Variants in RGS3 observed in about 807,000 individuals in gnomAD.
RGS3 encodes regulator of G-protein signalling 3.
RGS3 carries 80 observed loss-of-function variants against 132.6 expected under a neutral mutation model. That is an observed-to-expected ratio of 0.60 (90% CI 0.50 to 0.73). The LOEUF (loss-of-function observed/expected upper bound fraction) is 0.73. RGS3 is among the 30% of genes least tolerant of loss of function. The probability of loss-of-function intolerance (pLI) is 0.00; values close to 1 mark genes in which losing one functional copy is unlikely to be tolerated. For missense variants in RGS3, 1,382 were observed against 1,530.8 expected, an observed-to-expected ratio of 0.90 and a Z score of 1.62; for synonymous variants, 598 against 620.6, an observed-to-expected ratio of 0.96 and a Z score of 0.54.
intron 14 of RGS3, among the ~76,000 whole-genome samples, chr9:113,509,344 G>C (rs1170847089): frequency 6.6e-6 from 1 of 152,004 alleles, no homozygotes; most frequent in East Asian, 1.9e-4. Flanking sequence ...ATAAAATGGG[G>C]TCAATAATTC....
chr9:113,574,060 A>G (rs1834403675), intron 19 of RGS3, among the ~76,000 whole-genome samples: 1 of 152,194 alleles, frequency 6.6e-6, no homozygotes, highest in African/African-American at 2.4e-5. Context: ...GATTGTTGGA[A>G]GTAGAGCCTA....
intron 19 of RGS3, among the ~76,000 whole-genome samples, chr9:113,557,711 A>G (rs750785086): frequency 5.3e-5 from 8 of 152,194 alleles, no homozygotes; most frequent in Non-Finnish European, 1.0e-4. Flanking sequence ...CAGCATATGA[A>G]AAATCGATGA....
chr9:113,521,906 G>A (rs568935439), intron 16 of RGS3, among the ~76,000 whole-genome samples: 3 of 152,354 alleles, frequency 2.0e-5, no homozygotes, highest in East Asian at 3.9e-4. Context: ...CTTCAGAAGA[G>A]ACAAGGTGTC....
intron 19 of RGS3, chr9:113,582,048 A>G: frequency 5.1e-6 from 5 of 985,340 alleles, no homozygotes; most frequent in Non-Finnish European, 6.0e-6. Flanking sequence ...GAGCTTTCAC[A>G]TCCGCTCACA....
chr9:113,497,934 C>T (rs1366946845), intron 9 of RGS3, 91 bp from the exon 8 acceptor site: 1 of 1,342,584 alleles, frequency 7.4e-7, no homozygotes, highest in African/African-American at 1.5e-5. Context: ...GCCCCATGGG[C>T]CTGTTTCCCA....
At position 113,463,072 on chromosome 9, in the gene RGS3, G is replaced by T. The variant is rs1326878127; in HGVS notation, c.415+871G>T. On this transcript the variant is annotated intron_variant, in intron 3 of 24. Coordinates refer to ENST00000350696, the Ensembl canonical transcript of RGS3. This position sits in a 1 kb window ranked among gnomAD's most constrained non-coding sequence, Gnocchi z 4.6. ...ACCCACCCCACTCCGTTTCCTGTGC[G>T]TTCCTCTTTCTCAGAGGCTGTGGGC... 6.6e-6 allele frequency among the ~76,000 whole-genome samples: 1 copy of T among 152,176 alleles called. No individual in the cohort carries two copies. Among genetic ancestry groups the T allele is most frequent in the Non-Finnish European group, 1.5e-5 (1 of 68,026 alleles).
chr9:113,593,744 A>G, intron 21 of RGS3: 1 of 634,602 alleles, frequency 1.6e-6, no homozygotes, highest in South Asian at 1.9e-5. Flanking sequence ...CAGCAGTTTC[A>G]CCCAGTGCTG....
intron 19 of RGS3, among the ~76,000 whole-genome samples, chr9:113,546,418 A>G (rs1327752382): frequency 6.6e-6 from 1 of 152,126 alleles, no homozygotes; most frequent in Non-Finnish European, 1.5e-5. Flanking sequence ...AGTAGATGTT[A>G]TATTTTATTT....
At chr9:113,563,220 G>T (rs1024616485) in intron 19 of RGS3, among the ~76,000 whole-genome samples, 7 of 152,204 alleles carry the variant, frequency 4.6e-5, no homozygotes, top group African/African-American at 1.7e-4. Flanking sequence ...AGCATAGGGC[G>T]TAATTTTGGA....
At chr9:113,475,584 A>T (rs1240527300) in intron 3 of RGS3, among the ~76,000 whole-genome samples, 6 of 151,882 alleles carry the variant, frequency 4.0e-5, no homozygotes, top group Admixed American at 2.6e-4. Flanking sequence ...TTTTTAATTA[A>T]TTTTTTGTAG....
chr9:113,499,011 G>C (rs1272294350), intron 10 of RGS3, among the ~76,000 whole-genome samples: 4 of 151,098 alleles, frequency 2.6e-5, no homozygotes, highest in African/African-American at 9.7e-5. Context: ...CAGATCACTT[G>C]AGGTCAAGAG....
chr9:113,506,788 G>C lies in RGS3; in HGVS notation c.1085+295G>C, dbSNP rs1460853640. Among the ~76,000 whole-genome samples, 1 of 152,156 alleles carries C rather than the reference G, an allele frequency of 6.6e-6. No homozygotes were observed. The highest frequency in any genetic ancestry group is 1.9e-4 in the East Asian group (1 of 5,192). The stretch of plus-strand genomic sequence containing the variant: ...GCTTTAGCTAATTTTTGTTACCTAA[G>C]AGCTAAGCCCATTTGTTATTTAAGG... On this transcript the variant is annotated intron_variant, in intron 12 of 24. Coordinates refer to ENST00000350696, the Ensembl canonical transcript of RGS3. This position sits in a 1 kb window ranked among gnomAD's most constrained non-coding sequence, Gnocchi z 4.7.
At chr9:113,484,225 T>G (rs559478157) in exon 6 of RGS3, 3 of 1,604,658 alleles carry the variant, frequency 1.9e-6, no homozygotes, top group African/African-American at 2.7e-5. Context: ...CCACGAGCAC[T>G]TCTTCTTGTA....
chr9:113,551,801 C>T (rs912329357), intron 19 of RGS3, among the ~76,000 whole-genome samples: 5 of 152,002 alleles, frequency 3.3e-5, no homozygotes, highest in Non-Finnish European at 5.9e-5. Context: ...GGAGGTTGCA[C>T]GGAGCTAAGA....
chr9:113,582,671 A>G (rs557533792), intron 19 of RGS3: 1 of 152,278 alleles, frequency 6.6e-6, no homozygotes, highest in South Asian at 2.1e-4. Flanking sequence ...CTCTTTGCAC[A>G]TGAAATCTAC....
chr9:113,586,798 C>G (rs1383667821), intron 20 of RGS3, among the ~76,000 whole-genome samples: 1 of 152,236 alleles, frequency 6.6e-6, no homozygotes, highest in Non-Finnish European at 1.5e-5. Context: ...GTCCCTGCCC[C>G]TCTGTGAGCC....
intron 19 of RGS3, among the ~76,000 whole-genome samples, chr9:113,553,441 T>TAAAAAAA (rs66536651): frequency 0.025 from 512 of 20,300 alleles, 23 homozygotes; most frequent in Middle Eastern, 0.071. Context: ...AAACTCTGTT[T>TAAAAAAA]AAAAAAAAAA....
intron 3 of RGS3, 38 bp from the exon 2 acceptor site, chr9:113,479,453 G>T (rs755742605): frequency 2.5e-6 from 4 of 1,608,074 alleles, no homozygotes; most frequent in South Asian, 2.2e-5. Flanking sequence ...ACCCACCAGG[G>T]AGCTGAGGCA....
intron 19 of RGS3, among the ~76,000 whole-genome samples, chr9:113,575,914 TG>T (rs1350308367): frequency 2.0e-5 from 3 of 152,226 alleles, no homozygotes; most frequent in Non-Finnish European, 4.4e-5. Flanking sequence ...ATGAATCTCC[TG>T]GGATCCTATT....
Sources: gnomAD v4.1 joint callset for allele counts (sites outside exome capture counted in the v4.1 genomes callset) on GRCh38, gnomAD v4.1.1 for gene constraint, Gnocchi (gnomAD v3.1) non-coding constraint, MANE v1.5 for transcripts, NCBI Gene and HGNC (gene_info 2026-07-23, HGNC 2026-07-21) for gene names.